The following CUBN variants were observed in gnomAD, a reference collection of about 807,000 sequenced individuals.
The protein encoded by CUBN is 460 kDa receptor.
Under a neutral mutation model 405.3 loss-of-function variants are expected in CUBN, and 282 were observed. That is an observed-to-expected ratio of 0.70 (90% CI 0.63 to 0.77). The LOEUF is 0.77. Ranked by LOEUF, CUBN falls within the 30% of genes least tolerant of loss-of-function variation. The pLI, the probability that CUBN is intolerant of heterozygous loss-of-function variation, is 0.00. For synonymous variants in CUBN, 1,684 were observed against 1,617.0 expected (o/e 1.04, Z -0.99); for missense variants, 4,514 against 4,475.2 (o/e 1.01, Z -0.25).
intron 14 of CUBN, among the ~76,000 whole-genome samples, chr10:17,090,826 TAAAAAAAAA>T (rs59564374): frequency 1.1e-5 from 1 of 94,012 alleles, no homozygotes; most frequent in African/African-American, 3.2e-5. Flanking sequence ...AAATGTAAAG[TAAAAAAAAA>T]AAAAAAAAGC....
rs1436303649 is a variant in CUBN at position 16,824,592 on chromosome 10, C to T, written c.*383G>A. 6.6e-6 allele frequency: 2 copies of T among 305,002 alleles called. No homozygotes were observed. Among genetic ancestry groups the T allele is most frequent in the Admixed American group, 9.0e-5 (2 of 22,260 alleles). 18.9% of individuals were successfully genotyped at this position (305,002 alleles called of 1,614,324 possible). A position where few individuals can be genotyped will look rare whatever the true frequency, so the allele number is the denominator to read the frequency against. On this transcript the variant is annotated 3_prime_UTR_variant, in exon 67 of 67. Coordinates refer to ENST00000377833, the MANE Select transcript of CUBN (RefSeq NM_001081.4). ...CTGGAGTGTAGTGGTGTGATCTTAG[C>T]TCACTGCAACCTCTGCCTCCTGGGT... is the stretch of plus-strand genomic sequence containing the variant.
At chr10:16,948,400 T>C (rs1842839823) in intron 35 of CUBN, 78 bp downstream of exon 35, 6 of 1,600,352 alleles carry the variant, frequency 3.7e-6, no homozygotes, top group Non-Finnish European at 3.4e-6. Context: ...ACTACGAAGG[T>C]CAGAGTCCCC....
At chr10:16,968,009 G>T in intron 31 of CUBN, among the ~76,000 whole-genome samples, 1 of 147,564 alleles carries the variant, frequency 6.8e-6, no homozygotes. Context: ...GAGAGGAAAA[G>T]AGAGGGAGAG....
At chr10:16,841,365 T>A (rs765824699) in intron 60 of CUBN, among the ~76,000 whole-genome samples, 1 of 152,158 alleles carries the variant, frequency 6.6e-6, no homozygotes, top group African/African-American at 2.4e-5. Flanking sequence ...ACTGCTCTGA[T>A]CTCTTGCCTA....
chr10:16,925,942 GCTATT>G (rs1234866749), intron 41 of CUBN, among the ~76,000 whole-genome samples, 168 bp from the exon 42 acceptor site: 1 of 152,200 alleles, frequency 6.6e-6, no homozygotes, highest in Non-Finnish European at 1.5e-5. Context: ...TTGAGCACAT[GCTATT>G]GGCTACTCAG....
intron 22 of CUBN, among the ~76,000 whole-genome samples, chr10:17,051,367 C>A (rs1428596005): frequency 6.6e-6 from 1 of 150,952 alleles, no homozygotes; most frequent in African/African-American, 2.4e-5. Context: ...CTTAAAAAAA[C>A]AAAACAAAAA....
chr10:16,873,219 C>T (rs564165291), intron 58 of CUBN, among the ~76,000 whole-genome samples: 4 of 152,236 alleles, frequency 2.6e-5, no homozygotes, highest in African/African-American at 9.6e-5. Context: ...ACATGCCATA[C>T]GTATATCACT....
chr10:17,039,083 C>CA (rs201165792), intron 27 of CUBN, among the ~76,000 whole-genome samples: 1 of 152,070 alleles, frequency 6.6e-6, no homozygotes, highest in African/African-American at 2.4e-5. Context: ...CTTTCCTCCC[C>CA]CCTCTTTCTG....
intron 22 of CUBN, among the ~76,000 whole-genome samples, chr10:17,059,502 T>C (rs1161489363): frequency 2.0e-5 from 3 of 152,140 alleles, no homozygotes; most frequent in African/African-American, 7.2e-5. Flanking sequence ...GCTCAATCTT[T>C]AGGCTATGCT....
chr10:16,937,541 T>C, intron 39 of CUBN, 51 bp downstream of exon 39: 1 of 1,491,294 alleles, frequency 6.7e-7, no homozygotes, highest in East Asian at 2.3e-5. Flanking sequence ...TTTGAAACAT[T>C]GGCCTGCACA....
intron 46 of CUBN, 88 bp downstream of exon 46, chr10:16,915,733 G>T: frequency 9.1e-7 from 1 of 1,097,954 alleles, no homozygotes; most frequent in Non-Finnish European, 1.4e-6. Context: ...ATGTGCTTTT[G>T]CCTTTCTTGG....
In CUBN at chr10:17,104,399, A is replaced by G. The variant is rs181536212; in HGVS notation, c.1417+20T>C. ...CTGCTATGCTGTGAGCATCCGTGGCATAAGAAATGCTGACTGTACCTTGCT... is the reference window on the plus strand; with the variant it reads ...CTGCTATGCTGTGAGCATCCGTGGCGTAAGAAATGCTGACTGTACCTTGCT... On this transcript the variant is annotated intron_variant, in intron 12 of 66. Coordinates refer to ENST00000377833, the MANE Select transcript of CUBN (RefSeq NM_001081.4). The G allele has an allele frequency of 2.9e-4, 467 of 1,613,216 alleles. 1 individual carries two copies. In the African/African-American group the frequency reaches 5.4e-3, roughly 19 times the overall value.
intron 48 of CUBN, among the ~76,000 whole-genome samples, chr10:16,911,799 C>A (rs943998024): frequency 3.3e-5 from 5 of 152,072 alleles, no homozygotes; most frequent in Admixed American, 2.6e-4. Flanking sequence ...TTAAAAATAT[C>A]TTTATATTTT....
chr10:16,992,668 T>C (rs1277036474), intron 28 of CUBN, among the ~76,000 whole-genome samples: 1 of 152,226 alleles, frequency 6.6e-6, no homozygotes, highest in East Asian at 1.9e-4. Flanking sequence ...GAAATCTGAC[T>C]CTAGCTCAAA....
chr10:16,962,221 TAGG>T (rs1843246115), intron 31 of CUBN, among the ~76,000 whole-genome samples: 1 of 152,142 alleles, frequency 6.6e-6, no homozygotes, highest in Admixed American at 6.6e-5. Context: ...ATACAATACT[TAGG>T]AGAGTGGCTG....
chr10:16,999,529 T>C (rs1833822591), intron 28 of CUBN, among the ~76,000 whole-genome samples: 1 of 152,228 alleles, frequency 6.6e-6, no homozygotes, highest in South Asian at 2.1e-4. Context: ...TTCCCTCTCC[T>C]TGGATGTTTT....
intron 31 of CUBN, among the ~76,000 whole-genome samples, chr10:16,960,540 A>G (rs746589349): frequency 3.9e-5 from 6 of 152,182 alleles, no homozygotes; most frequent in Non-Finnish European, 8.8e-5. Context: ...GCTTAACTTT[A>G]TTATATAAAA....
chr10:16,859,231 A>G (rs192697473), intron 59 of CUBN, among the ~76,000 whole-genome samples: 5 of 152,192 alleles, frequency 3.3e-5, no homozygotes, highest in Non-Finnish European at 7.4e-5. Flanking sequence ...CATACTGACA[A>G]AGGATCATTG....
intron 31 of CUBN, among the ~76,000 whole-genome samples, chr10:16,975,680 G>A (rs1564456947): frequency 1.4e-5 from 2 of 145,870 alleles, no homozygotes; most frequent in Non-Finnish European, 3.0e-5. Context: ...CGCCAGGCTG[G>A]AGTGCAGTGG....
Sources: gnomAD v4.1 joint callset for allele counts (sites outside exome capture counted in the v4.1 genomes callset) on GRCh38, gnomAD v4.1.1 for gene constraint, MANE v1.5 for transcripts, NCBI Gene and HGNC (gene_info 2026-07-23, HGNC 2026-07-21) for gene names.